The following DIAPH2 variants were observed in gnomAD, a reference collection of about 807,000 sequenced individuals.
The protein encoded by DIAPH2 is protein diaphanous homolog 2.
A neutral mutation model predicts 92.7 loss-of-function variants in DIAPH2; 35 were observed. The ratio of observed to expected loss-of-function variants is 0.38; its 90% CI spans 0.29 to 0.50. The LOEUF (loss-of-function observed/expected upper bound fraction) is 0.50, where lower values mean the gene tolerates loss of function less well. Among genes scored for constraint, DIAPH2 ranks in the 20% least tolerant of loss-of-function variants. The probability of loss-of-function intolerance (pLI) is 0.94; values close to 1 mark genes in which losing one functional copy is unlikely to be tolerated. For synonymous variants in DIAPH2, 301 were observed against 280.4 expected, an observed-to-expected ratio of 1.07 and a Z score of -0.73; for missense variants, 701 against 819.5, an observed-to-expected ratio of 0.86 and a Z score of 1.77.
chrX:97,432,742 C>T (rs2070140709), intron 26 of DIAPH2, among the ~76,000 whole-genome samples: 1 of 111,494 alleles, frequency 9.0e-6, no homozygotes, highest in African/African-American at 3.3e-5. Flanking sequence ...CCACCTCGGC[C>T]TCCCAAAGTG....
At chrX:97,175,880 A>G (rs1384794695) in intron 22 of DIAPH2, among the ~76,000 whole-genome samples, 1 of 112,482 alleles carries the variant, frequency 8.9e-6, no homozygotes, top group African/African-American at 3.2e-5. Flanking sequence ...CTTTTCAGGT[A>G]TATGATGACT....
chrX:96,881,136 A>G (rs1178031667), intron 4 of DIAPH2, among the ~76,000 whole-genome samples: 1 of 111,473 alleles, frequency 9.0e-6, no homozygotes, highest in African/African-American at 3.3e-5. Context: ...ATATCTTTCA[A>G]TAGATTTGGG....
chrX:97,260,375 C>T (rs1046898328), intron 23 of DIAPH2, among the ~76,000 whole-genome samples: 5 of 112,382 alleles, frequency 4.4e-5, no homozygotes, highest in Non-Finnish European at 9.4e-5. Context: ...TGCCAGTCAA[C>T]AACCTAGTTA....
chrX:97,107,986 T>C (rs1007414322), intron 20 of DIAPH2, among the ~76,000 whole-genome samples: 2 of 110,012 alleles, frequency 1.8e-5, no homozygotes, highest in African/African-American at 6.6e-5. Flanking sequence ...ACATATGATT[T>C]TTACATTTGT....
At chrX:96,939,162 G>T (rs2065677170) in intron 11 of DIAPH2, 104 bp from the exon 12 acceptor site, 1 of 410,142 alleles carries the variant, frequency 2.4e-6, no homozygotes, top group East Asian at 4.6e-5. Flanking sequence ...TTTAAAAACA[G>T]TAATGGAAGC....
At chrX:97,427,945 C>G (rs2070087256) in intron 25 of DIAPH2, among the ~76,000 whole-genome samples, 3 of 110,833 alleles carry the variant, frequency 2.7e-5, no homozygotes, top group Admixed American at 1.9e-4. Context: ...CCTCAGCCTC[C>G]CAAAGTGCTA....
Position 96,912,466 on chromosome X carries a change from A to G in DIAPH2, c.663-17A>G, listed in dbSNP as rs1301912676. The G allele has an allele frequency of 1.7e-6, 2 of 1,198,636 alleles. No homozygotes were observed. Among genetic ancestry groups the G allele is most frequent in the Non-Finnish European group, 2.2e-6 (2 of 889,835 alleles). ...AATGTTTCAGCACAACATAATATAC[A>G]TTTTTCTTTTATTTAGGCAAGAAAA... On this transcript the variant is annotated splice_polypyrimidine_tract_variant and intron_variant, in intron 6 of 26. Coordinates refer to ENST00000324765, the MANE Select transcript of DIAPH2 (RefSeq NM_006729.5).
At chrX:97,129,146 C>CTTTTCTTTTCTTTTCT (rs113199689) in intron 21 of DIAPH2, among the ~76,000 whole-genome samples, 8 of 36,553 alleles carry the variant, frequency 2.2e-4, no homozygotes, top group African/African-American at 6.7e-4. Flanking sequence ...CTTTTCTTTT[C>CTTTTCTTTTCTTTTCT]TTTCTTTTCT....
At chrX:97,039,289 T>C (rs1233719514) in intron 17 of DIAPH2, among the ~76,000 whole-genome samples, 1 of 111,685 alleles carries the variant, frequency 9.0e-6, no homozygotes, top group African/African-American at 3.2e-5. Flanking sequence ...TCTTTAATTA[T>C]ATTTATATGT....
chrX:97,230,553 G>C (rs1393351927), intron 22 of DIAPH2, among the ~76,000 whole-genome samples: 2 of 111,818 alleles, frequency 1.8e-5, no homozygotes, highest in African/African-American at 6.5e-5. Flanking sequence ...AGACCCATTT[G>C]TATGTTTTGT....
chrX:97,100,381 C>G (rs2066898315), intron 20 of DIAPH2, among the ~76,000 whole-genome samples: 1 of 110,872 alleles, frequency 9.0e-6, no homozygotes, highest in Non-Finnish European at 1.9e-5. Flanking sequence ...ATTATTTTTT[C>G]TTATTCCACC....
At chrX:97,102,557 A>G (rs2066912966) in intron 20 of DIAPH2, among the ~76,000 whole-genome samples, 1 of 112,305 alleles carries the variant, frequency 8.9e-6, no homozygotes, top group Admixed American at 9.5e-5. Context: ...TTAATTTGTC[A>G]GATTCTATGA....
chrX:97,173,297 A>G (rs1436882691), intron 22 of DIAPH2, among the ~76,000 whole-genome samples: 1 of 111,701 alleles, frequency 9.0e-6, no homozygotes, highest in Non-Finnish European at 1.9e-5. Flanking sequence ...GGAACTCAGA[A>G]GGTTGAGATG....
At chrX:97,367,949 G>A (rs1056275716) in intron 24 of DIAPH2, among the ~76,000 whole-genome samples, 4 of 111,613 alleles carry the variant, frequency 3.6e-5, no homozygotes, top group Admixed American at 2.8e-4. Context: ...CAGGTGATCC[G>A]AGTGCCTCGC....
In DIAPH2 at chrX:97,584,686, A is replaced by G. The variant is rs190609485; in HGVS notation, c.3242-14567A>G. Among the ~76,000 whole-genome samples the G allele has an allele frequency of 3.6e-5, 4 of 112,353 alleles. No homozygotes were observed. The East Asian group carries it at 8.4e-4, about 24-fold the overall frequency. ...GAGCAACTCTCAAATTCCAGTTTTA[A>G]TAGGATGTCTGCTCCAGAACCTTGT... On this transcript the variant is annotated intron_variant, in intron 26 of 26. Coordinates refer to ENST00000324765, the MANE Select transcript of DIAPH2 (RefSeq NM_006729.5).
chrX:97,269,751 A>AT lies in DIAPH2; in HGVS notation c.2844+21930dup, dbSNP rs1318136033. Reference sequence around the variant, plus strand: ...ACACAATGAAGGAGATACTATTTTTATTTTTTTTTTTTTTTTTTGAGACAG... The same window carrying AT: ...ACACAATGAAGGAGATACTATTTTTATTTTTTTTTTTTTTTTTTTGAGACAG... On this transcript the variant is annotated intron_variant, in intron 23 of 26. Coordinates refer to ENST00000324765, the MANE Select transcript of DIAPH2 (RefSeq NM_006729.5). 4.3e-3 allele frequency among the ~76,000 whole-genome samples: 411 copies of AT among 94,748 alleles called. 2 individuals are homozygous for AT. The highest frequency in any genetic ancestry group is 0.012 in the African/African-American group (277 of 22,299). 82.3% of individuals were successfully genotyped at this position (94,748 alleles called of 115,157 possible). A position where few individuals can be genotyped will look rare whatever the true frequency, so the allele number is the denominator to read the frequency against.
At chrX:97,105,835 G>C (rs1409380446) in intron 20 of DIAPH2, among the ~76,000 whole-genome samples, 1 of 112,017 alleles carries the variant, frequency 8.9e-6, no homozygotes, top group East Asian at 2.8e-4. Flanking sequence ...GTTGAAATTG[G>C]CTTGGGCGTA....
intron 4 of DIAPH2, among the ~76,000 whole-genome samples, chrX:96,834,820 G>T (rs969835735): frequency 1.8e-5 from 2 of 111,445 alleles, no homozygotes; most frequent in Non-Finnish European, 3.8e-5. Context: ...TTGTAAGGAA[G>T]GAGTTATAAA....
At chrX:96,913,716 G>A (rs2065484320) in intron 7 of DIAPH2, among the ~76,000 whole-genome samples, 1 of 110,869 alleles carries the variant, frequency 9.0e-6, no homozygotes, top group African/African-American at 3.3e-5. Flanking sequence ...ATGTCAGCAA[G>A]TTTACATACA....
Sources: gnomAD v4.1 joint callset for allele counts (sites outside exome capture counted in the v4.1 genomes callset) on GRCh38, gnomAD v4.1.1 for gene constraint, MANE v1.5 for transcripts, NCBI Gene and HGNC (gene_info 2026-07-23, HGNC 2026-07-21) for gene names.